The following VAV3 variants were observed in gnomAD, a reference collection of about 807,000 sequenced individuals.
The protein encoded by VAV3 is vav guanine nucleotide exchange factor 3, also known as guanine nucleotide exchange factor VAV3.
VAV3 carries 94 observed loss-of-function variants against 131.2 expected under a neutral mutation model. The ratio of observed to expected loss-of-function variants is 0.72; its 90% confidence interval spans 0.61 to 0.85. The LOEUF (loss-of-function observed/expected upper bound fraction) is 0.85. VAV3 is among the 40% of genes least tolerant of loss of function. The pLI is 0.00. For missense variants in VAV3, 939 were observed against 1,002.7 expected, an observed-to-expected ratio of 0.94 and a Z score of 0.86; for synonymous variants, 349 against 342.0, an observed-to-expected ratio of 1.02 and a Z score of -0.22.
intron 1 of VAV3, among the ~76,000 whole-genome samples, chr1:107,878,796 G>T (rs2101029805): frequency 6.6e-6 from 1 of 152,258 alleles, no homozygotes; most frequent in Middle Eastern, 3.4e-3. Flanking sequence ...TAACCCAGGG[G>T]TGAAGATGTG....
At chr1:107,834,717 C>T (rs1201808672) in intron 2 of VAV3, among the ~76,000 whole-genome samples, 1 of 151,416 alleles carries the variant, frequency 6.6e-6, no homozygotes, top group African/African-American at 2.4e-5. Context: ...GGAGAGAAAG[C>T]AATGAGAGTC....
intron 25 of VAV3, among the ~76,000 whole-genome samples, chr1:107,575,469 C>T (rs1001153075): frequency 2.0e-5 from 3 of 151,972 alleles, no homozygotes; most frequent in Admixed American, 1.3e-4. Context: ...GTGTCCATCA[C>T]GAAATAAATG....
intron 1 of VAV3, among the ~76,000 whole-genome samples, chr1:107,913,885 T>C (rs1672488368): frequency 6.6e-6 from 1 of 152,154 alleles, no homozygotes; most frequent in Admixed American, 6.5e-5. Context: ...AACCATCGCC[T>C]TCAGGTTCAA....
chr1:107,743,865 T>C (rs533848662), intron 15 of VAV3, among the ~76,000 whole-genome samples: 32 of 152,358 alleles, frequency 2.1e-4, no homozygotes, highest in African/African-American at 7.5e-4. Flanking sequence ...GAAACACTGT[T>C]CTATTTGACC....
intron 22 of VAV3, among the ~76,000 whole-genome samples, chr1:107,608,730 G>T (rs1377299988): frequency 6.6e-6 from 1 of 152,154 alleles, no homozygotes; most frequent in Admixed American, 6.6e-5. Flanking sequence ...ACTTTGAAAA[G>T]TAACTCAGCA....
chr1:107,694,681 C>T (rs1232364409), intron 17 of VAV3, among the ~76,000 whole-genome samples: 1 of 152,148 alleles, frequency 6.6e-6, no homozygotes, highest in Non-Finnish European at 1.5e-5. Context: ...CCTGCACTCT[C>T]CTGTTTCTGA....
At chr1:107,846,851 TAGAC>T (rs535396665) in intron 2 of VAV3, among the ~76,000 whole-genome samples, 312 of 152,206 alleles carry the variant, frequency 2.0e-3, no homozygotes, top group African/African-American at 7.1e-3. Flanking sequence ...CTGTCAATAT[TAGAC>T]AGATCAACGA....
intron 2 of VAV3, among the ~76,000 whole-genome samples, chr1:107,842,808 G>C (rs1238896798): frequency 1.3e-5 from 2 of 152,018 alleles, no homozygotes; most frequent in African/African-American, 2.4e-5. Flanking sequence ...TATCTGTCTA[G>C]AAATTTCTCC....
At chr1:107,804,216 G>C (rs969613493) in intron 2 of VAV3, among the ~76,000 whole-genome samples, 4 of 151,994 alleles carry the variant, frequency 2.6e-5, no homozygotes, top group Non-Finnish European at 5.9e-5. Context: ...CTTTTAATTG[G>C]AGAACTGCAT....
chr1:107,620,003 T>C (rs200740159), intron 20 of VAV3, among the ~76,000 whole-genome samples: 1 of 152,194 alleles, frequency 6.6e-6, no homozygotes, highest in East Asian at 1.9e-4. Context: ...TTGAATCCCA[T>C]GCACACCTTT....
intron 2 of VAV3, among the ~76,000 whole-genome samples, chr1:107,797,127 G>A (rs543498100): frequency 2.0e-5 from 3 of 152,034 alleles, no homozygotes; most frequent in East Asian, 1.9e-4. Flanking sequence ...GGAATTCTAC[G>A]TGAACCTGTG....
intron 1 of VAV3, among the ~76,000 whole-genome samples, chr1:107,919,955 G>C (rs1672815439): frequency 6.6e-6 from 1 of 152,230 alleles, no homozygotes; most frequent in South Asian, 2.1e-4. Flanking sequence ...CAGTTGAGGT[G>C]ACTTTCTTAC....
At chr1:107,945,758 G>A (rs1406683500) in intron 1 of VAV3, among the ~76,000 whole-genome samples, 1 of 149,690 alleles carries the variant, frequency 6.7e-6, no homozygotes, top group Non-Finnish European at 1.5e-5. Context: ...GGAGGCAGAG[G>A]TTGCAGTGAA....
chr1:107,609,017 T>C (rs1463827651), intron 22 of VAV3, among the ~76,000 whole-genome samples: 2 of 152,144 alleles, frequency 1.3e-5, no homozygotes, highest in Non-Finnish European at 2.9e-5. Context: ...AGTATAGCAA[T>C]GTACAGATGG....
At chr1:107,660,499 G>A (rs1656932973) in intron 19 of VAV3, among the ~76,000 whole-genome samples, 2 of 152,136 alleles carry the variant, frequency 1.3e-5, no homozygotes. Flanking sequence ...CCAGGCCAAG[G>A]CAGACCACTG....
chr1:107,617,739 ATG>A, intron 20 of VAV3, 107 bp from the exon 21 acceptor site: 1 of 937,632 alleles, frequency 1.1e-6, no homozygotes. Flanking sequence ...AGAATTCCTT[ATG>A]TGTTATATCC....
chr1:107,746,670 G>A (rs375722768), intron 15 of VAV3, among the ~76,000 whole-genome samples: 19 of 152,180 alleles, frequency 1.2e-4, no homozygotes, highest in South Asian at 2.1e-4. Flanking sequence ...AGCCTCCCTC[G>A]GCAGGTGCGG....
intron 4 of VAV3, among the ~76,000 whole-genome samples, chr1:107,776,428 C>A (rs1665361004): frequency 6.6e-6 from 1 of 152,152 alleles, no homozygotes; most frequent in African/African-American, 2.4e-5. Context: ...CAATTTTAGA[C>A]AGGATAGTCA....
intron 2 of VAV3, among the ~76,000 whole-genome samples, chr1:107,851,547 T>C (rs1669232940): frequency 6.6e-6 from 1 of 152,190 alleles, no homozygotes; most frequent in South Asian, 2.1e-4. Context: ...TTCATATTTA[T>C]TTGCAAGATA....
Sources: gnomAD v4.1 joint callset for allele counts (sites outside exome capture counted in the v4.1 genomes callset) on GRCh38, gnomAD v4.1.1 for gene constraint, MANE v1.5 for transcripts, NCBI Gene and HGNC (gene_info 2026-07-23, HGNC 2026-07-21) for gene names.